The following CFAP221 variants were observed in gnomAD, a reference collection of about 807,000 sequenced individuals.
CFAP221 encodes the protein cilia and flagella associated protein 221.
Under a neutral mutation model 113.1 loss-of-function variants are expected in CFAP221, and 97 were observed. That is an observed-to-expected ratio of 0.86 (90% CI 0.73 to 1.02). The LOEUF is 1.02. CFAP221 is among the 50% of genes least tolerant of loss of function. The probability of loss-of-function intolerance (pLI) is 0.00; values close to 1 mark genes in which losing one functional copy is unlikely to be tolerated. For missense variants in CFAP221, 1,025 were observed against 1,013.4 expected (o/e 1.01, Z -0.16); for synonymous variants, 331 against 354.4 (o/e 0.93, Z 0.74).
At chr2:119,618,038 G>T (rs766318934) in intron 14 of CFAP221, among the ~76,000 whole-genome samples, 2 of 152,092 alleles carry the variant, frequency 1.3e-5, no homozygotes, top group Non-Finnish European at 2.9e-5. Context: ...TGCATAAGTG[G>T]GCAGGCATCC....
chr2:119,572,772 A>G, intron 6 of CFAP221: 1 of 544,836 alleles, frequency 1.8e-6, no homozygotes, highest in South Asian at 2.8e-5. Context: ...AAATGATGCC[A>G]TGGGCAAGGC....
Position 119,604,565 on chromosome 2 carries a change from G to A in CFAP221, c.792-107G>A, listed in dbSNP as rs145022792. 4 of 1,037,898 alleles carry A rather than the reference G, an allele frequency of 3.9e-6. No individual in the cohort carries two copies. In the African/African-American group the frequency reaches 5.0e-5, roughly 13 times the overall value. 64.3% of individuals were successfully genotyped at this position (1,037,898 alleles called of 1,614,324 possible). A position where few individuals can be genotyped will look rare whatever the true frequency, so the allele number is the denominator to read the frequency against. ...GGGCACACATTTATTTTCAGTTTAG[G>A]TATAATAAGGGACTTCAAGTTGTGG... On this transcript the variant is annotated intron_variant, in intron 8 of 23. Transcript: ENST00000413369.
chr2:119,553,636 G>A (rs1375316393), intron 3 of CFAP221, among the ~76,000 whole-genome samples: 2 of 152,194 alleles, frequency 1.3e-5, no homozygotes, highest in Non-Finnish European at 1.5e-5. Context: ...CCATCACAAT[G>A]TCTAAGATTC....
chr2:119,563,028 C>T (rs575589467), intron 6 of CFAP221, among the ~76,000 whole-genome samples: 1 of 152,276 alleles, frequency 6.6e-6, no homozygotes, highest in Admixed American at 6.5e-5. Flanking sequence ...GTGATGTGTG[C>T]CTGTAGTCCC....
chr2:119,658,187 C>T (rs1055047823), downstream of CFAP221, among the ~76,000 whole-genome samples: 10 of 152,152 alleles, frequency 6.6e-5, no homozygotes, highest in African/African-American at 1.9e-4. Context: ...TGTCCCTCAC[C>T]GTCATTTAGT....
intron 6 of CFAP221, among the ~76,000 whole-genome samples, chr2:119,579,176 G>GT (rs1682672402): frequency 6.6e-6 from 1 of 151,992 alleles, no homozygotes; most frequent in Non-Finnish European, 1.5e-5. Context: ...AAAAGTTGTA[G>GT]TTACTTCCAA....
intron 11 of CFAP221, among the ~76,000 whole-genome samples, chr2:119,605,561 C>T (rs912946221): frequency 1.6e-4 from 25 of 152,178 alleles, no homozygotes; most frequent in African/African-American, 5.3e-4. Flanking sequence ...CCCTCACCCC[C>T]GGACAGATCT....
chr2:119,580,726 G>A (rs1269319970), intron 6 of CFAP221: 2 of 152,306 alleles, frequency 1.3e-5, no homozygotes, highest in African/African-American at 4.8e-5. Flanking sequence ...GAACAGCATA[G>A]AAATGCTGAG....
chr2:119,609,024 A>G (rs956490271), intron 12 of CFAP221, among the ~76,000 whole-genome samples: 11 of 152,222 alleles, frequency 7.2e-5, no homozygotes, highest in African/African-American at 2.2e-4. Context: ...GATAGTCCCA[A>G]GTCAGAGACC....
At chr2:119,619,117 C>T (rs1215777532) in intron 14 of CFAP221, among the ~76,000 whole-genome samples, 1 of 152,210 alleles carries the variant, frequency 6.6e-6, no homozygotes, top group Admixed American at 6.5e-5. Context: ...CTCCCATCTC[C>T]CTGGGACAGA....
intron 3 of CFAP221, among the ~76,000 whole-genome samples, chr2:119,558,203 A>G (rs1033588928): frequency 1.1e-4 from 16 of 152,146 alleles, no homozygotes; most frequent in Admixed American, 3.9e-4. Context: ...CTCTTTGTTA[A>G]GATTCCAGGC....
At chr2:119,605,658 C>T (rs1432726631) in intron 11 of CFAP221, among the ~76,000 whole-genome samples, 1 of 152,142 alleles carries the variant, frequency 6.6e-6, no homozygotes, top group East Asian at 1.9e-4. Context: ...CCCCAGAGGC[C>T]TTCTGGGTAG....
At chr2:119,633,172 T>C (rs1686895931) in intron 19 of CFAP221, among the ~76,000 whole-genome samples, 1 of 151,920 alleles carries the variant, frequency 6.6e-6, no homozygotes, top group Non-Finnish European at 1.5e-5. Flanking sequence ...AAAACAAAAA[T>C]AAAAATTTCA....
rs780035369 is a variant in CFAP221, at chr2:119,611,757, T to C, written c.1311+15T>C. On this transcript the variant is annotated intron_variant, in intron 13 of 23. Coordinates refer to ENST00000413369, the MANE Select transcript of CFAP221 (RefSeq NM_001271049.2). ...ATCAAGAAGAGGTGGGTAACTTTCC[T>C]TTATTTAGAATCTGATTATTGGCAG... 8.2e-6 allele frequency: 13 copies of C among 1,586,598 alleles called. No individual in the cohort carries two copies. In the Admixed American group the frequency reaches 2.2e-4, roughly 27 times the overall value.
intron 19 of CFAP221, among the ~76,000 whole-genome samples, chr2:119,637,054 C>G (rs1687159396): frequency 6.6e-6 from 1 of 152,192 alleles, no homozygotes; most frequent in African/African-American, 2.4e-5. Flanking sequence ...CACACTATCC[C>G]CATAGGGTGG....
In CFAP221 at chr2:119,652,168, C is replaced by T. The variant is rs1046250148; in HGVS notation, c.2414+99C>T. 74 of 853,724 alleles carry T rather than the reference C, an allele frequency of 8.7e-5. No individual in the cohort carries two copies. In the East Asian group the frequency reaches 1.5e-3, roughly 17 times the overall value. The allele number at this position is 853,724 out of a possible 1,614,324, so 52.9% of individuals were successfully genotyped here. On this transcript the variant is annotated intron_variant, in intron 23 of 23. Coordinates refer to ENST00000413369, the MANE Select transcript of CFAP221 (RefSeq NM_001271049.2). ...TCATGTTGTCTGAGTCTAAATAGCT[C>T]AGTCTTTGAAAGAGACACATTTCTG...
At position 119,630,557 on chromosome 2, in the gene CFAP221, C is replaced by G. The variant is rs377208088; in HGVS notation, c.1732-13C>G. The stretch of plus-strand genomic sequence containing the variant: ...CAGGTTTTTAAGGATTTTCAATCTT[C>G]TTTCACCTTCAGGTTCCTCAACTGT... On this transcript the variant is annotated splice_polypyrimidine_tract_variant and intron_variant, in intron 17 of 23. Coordinates refer to ENST00000413369, the MANE Select transcript of CFAP221 (RefSeq NM_001271049.2). 3.2e-6 allele frequency: 5 copies of G among 1,574,768 alleles called. No homozygotes were observed. The African/African-American group carries it at 5.4e-5, about 17-fold the overall frequency.
intron 14 of CFAP221, among the ~76,000 whole-genome samples, chr2:119,622,672 G>A (rs771225084): frequency 2.0e-5 from 3 of 152,136 alleles, no homozygotes; most frequent in South Asian, 2.1e-4. Flanking sequence ...TATCCATCAC[G>A]ATCAAGTCAG....
chr2:119,615,811 C>A, intron 14 of CFAP221, 102 bp downstream of exon 14: 1 of 833,600 alleles, frequency 1.2e-6, no homozygotes, highest in Non-Finnish European at 1.9e-6. Context: ...ATACAATTTA[C>A]ACACCATAAA....
Sources: gnomAD v4.1 joint callset for allele counts (sites outside exome capture counted in the v4.1 genomes callset) on GRCh38, gnomAD v4.1.1 for gene constraint, MANE v1.5 for transcripts, NCBI Gene and HGNC (gene_info 2026-07-23, HGNC 2026-07-21) for gene names.